TLL2: variants seen among roughly 807,000 people sequenced by gnomAD.
TLL2 encodes tolloid like 2.
TLL2 carries 106 observed loss-of-function variants against 123.0 expected under a neutral mutation model. The ratio of observed to expected loss-of-function variants is 0.86; its 90% CI spans 0.74 to 1.01. TLL2 has a LOEUF of 1.01. Ranked by LOEUF, TLL2 falls within the 50% of genes least tolerant of loss-of-function variation. The pLI is 0.00. For synonymous variants in TLL2, 494 were observed against 516.8 expected, an observed-to-expected ratio of 0.96 and a Z score of 0.60; for missense variants, 1,332 against 1,336.7, an observed-to-expected ratio of 1.00 and a Z score of 0.06.
chr10:96,408,034 G>A (rs1203935160), intron 9 of TLL2, among the ~76,000 whole-genome samples: 1 of 152,248 alleles, frequency 6.6e-6, no homozygotes, highest in African/African-American at 2.4e-5. Flanking sequence ...GATTCCCTGG[G>A]AGTGGGGGGA....
chr10:96,413,370 G>C (rs1846526182), intron 7 of TLL2, 54 bp from the exon 8 acceptor site: 1 of 1,587,300 alleles, frequency 6.3e-7, no homozygotes, highest in African/African-American at 1.3e-5. Flanking sequence ...CAGGCTGTCT[G>C]TGCTGGGATT....
intron 16 of TLL2, among the ~76,000 whole-genome samples, chr10:96,382,341 A>T (rs1159315952): frequency 1.3e-5 from 2 of 152,220 alleles, no homozygotes; most frequent in African/African-American, 4.8e-5. Context: ...GAATTTCAAG[A>T]TGATGACAAC....
At chr10:96,459,732 A>G (rs868406867) in intron 2 of TLL2, among the ~76,000 whole-genome samples, 118 of 123,068 alleles carry the variant, frequency 9.6e-4, no homozygotes, top group African/African-American at 3.3e-3. Context: ...ATATATATAT[A>G]GCAGCTAAAA....
intron 13 of TLL2, among the ~76,000 whole-genome samples, chr10:96,387,756 A>G (rs1264566956): frequency 6.6e-6 from 1 of 152,178 alleles, no homozygotes; most frequent in Non-Finnish European, 1.5e-5. Flanking sequence ...GGGGCGACTA[A>G]ATAACAGCAC....
chr10:96,415,743 C>CTCTCTCTCTGTCTCTCTCTCTG (rs1846552273), intron 7 of TLL2, among the ~76,000 whole-genome samples: 1 of 85,882 alleles, frequency 1.2e-5, no homozygotes, highest in African/African-American at 5.1e-5. Context: ...CTCTCTGTCT[C>CTCTCTCTCTGTCTCTCTCTCTG]TCTCTCTCTC....
chr10:96,443,722 T>C (rs926446578), intron 3 of TLL2, among the ~76,000 whole-genome samples: 10 of 152,236 alleles, frequency 6.6e-5, no homozygotes, highest in Non-Finnish European at 1.0e-4. Context: ...GCTGGATTCA[T>C]TCACACATGC....
intron 1 of TLL2, among the ~76,000 whole-genome samples, chr10:96,487,667 G>A (rs1483037387): frequency 1.3e-5 from 2 of 152,076 alleles, no homozygotes; most frequent in East Asian, 1.9e-4. Flanking sequence ...TTGCATCAAC[G>A]CATATTGGTC....
intron 9 of TLL2, among the ~76,000 whole-genome samples, chr10:96,406,875 C>T (rs1177796790): frequency 6.6e-6 from 1 of 152,126 alleles, no homozygotes; most frequent in Non-Finnish European, 1.5e-5. Context: ...TGTTGATCCC[C>T]CATATCTGTT....
chr10:96,473,460 A>G (rs1364324246), intron 2 of TLL2, among the ~76,000 whole-genome samples: 3 of 152,186 alleles, frequency 2.0e-5, no homozygotes, highest in Non-Finnish European at 2.9e-5. Flanking sequence ...ATGAAAAAAG[A>G]AAGCGTCCCC....
intron 2 of TLL2, among the ~76,000 whole-genome samples, chr10:96,447,278 CTG>C (rs1846905033): frequency 1.3e-5 from 2 of 152,238 alleles, no homozygotes; most frequent in South Asian, 4.1e-4. Context: ...GCCAACCAGG[CTG>C]TGTTTTGTGA....
At chr10:96,498,475 A>T (rs761757827) in intron 1 of TLL2, among the ~76,000 whole-genome samples, 1 of 151,790 alleles carries the variant, frequency 6.6e-6, no homozygotes, top group Non-Finnish European at 1.5e-5. Flanking sequence ...CATTTTGACT[A>T]CATTTTCCTC....
intron 2 of TLL2, among the ~76,000 whole-genome samples, chr10:96,466,779 T>C (rs1210180714): frequency 1.3e-5 from 2 of 152,132 alleles, no homozygotes; most frequent in Admixed American, 6.5e-5. Flanking sequence ...AACCCAGACG[T>C]TGTGGTTATC....
rs1846007358 is a variant in TLL2, at chr10:96,364,682, A to C, written c.*3406T>G. 1 of 152,674 alleles carries C rather than the reference A, an allele frequency of 6.5e-6. No individual in the cohort carries two copies. Among genetic ancestry groups the C allele is most frequent in the Non-Finnish European group, 1.5e-5 (1 of 68,048 alleles). The allele number at this position is 152,674 out of a possible 1,614,324, so 9.5% of individuals were successfully genotyped here. ...TTAGGTCCTCTCCACTTTCTCTTTG[A>C]AACTGACATCATTTCATGAAATGTA... On this transcript the variant is annotated 3_prime_UTR_variant, in exon 21 of 21. Coordinates refer to ENST00000357947, the MANE Select transcript of TLL2 (RefSeq NM_012465.4).
At position 96,404,004 on chromosome 10, in the gene TLL2, C is replaced by T. The variant is rs557604961; in HGVS notation, c.1267+1228G>A. 3.3e-3 allele frequency among the ~76,000 whole-genome samples: 506 copies of T among 152,108 alleles called. 7 individuals carry two copies. The East Asian group carries it at 0.04, about 12-fold the overall frequency. On this transcript the variant is annotated intron_variant, in intron 10 of 20. Transcript: ENST00000357947. The stretch of plus-strand genomic sequence containing the variant: ...ATTATGACATAGATTCTTTTGCTCA[C>T]ATGTTTGTTGCTGACCTTCTCCTTA...
At chr10:96,377,282 T>C (rs1174813131) in intron 17 of TLL2, among the ~76,000 whole-genome samples, 1 of 152,244 alleles carries the variant, frequency 6.6e-6, no homozygotes. Flanking sequence ...CCATGGTAAG[T>C]GCTCAGTGCA....
chr10:96,399,536 T>C (rs1846373636), intron 10 of TLL2, among the ~76,000 whole-genome samples: 1 of 152,304 alleles, frequency 6.6e-6, no homozygotes, highest in East Asian at 1.9e-4. Flanking sequence ...GAGATTAATA[T>C]TAAGTGAGAT....
intron 2 of TLL2, among the ~76,000 whole-genome samples, chr10:96,474,143 C>G (rs965285747): frequency 2.6e-5 from 4 of 152,186 alleles, no homozygotes; most frequent in African/African-American, 9.7e-5. Flanking sequence ...GACTCCCATT[C>G]TTCTCACTGC....
rs1264455985 is a variant in TLL2, at chr10:96,420,973, G to C, written c.906C>G (p.Ala302=). The C allele has an allele frequency of 1.9e-6, 3 of 1,613,894 alleles. No homozygotes were observed. Among genetic ancestry groups the C allele is most frequent in the African/African-American group, 2.7e-5 (2 of 74,870 alleles). ...TYDFDSIMHY[A]RNTFSRGVFL... is the part of the protein sequence containing the mutation. Reference sequence around the variant, plus strand: ...ATTCCGACCTTGAGAAGGTGTTCCGGGCGTAGTGCATGATGCTGTCAAAGT... The same window carrying C: ...ATTCCGACCTTGAGAAGGTGTTCCGCGCGTAGTGCATGATGCTGTCAAAGT... The change falls in exon 7 of 21, where the codon GCC becomes GCG. Residue 302 remains alanine (A), a synonymous_variant. Coordinates refer to ENST00000357947, the MANE Select transcript of TLL2 (RefSeq NM_012465.4).
chr10:96,489,658 T>C (rs974921669), intron 1 of TLL2, among the ~76,000 whole-genome samples: 1 of 152,242 alleles, frequency 6.6e-6, no homozygotes, highest in Non-Finnish European at 1.5e-5. Context: ...TTACATTTTA[T>C]TTCCTTTTAA....
Sources: allele counts gnomAD v4.1 joint callset (sites outside exome capture counted in the v4.1 genomes callset), GRCh38; gene constraint gnomAD v4.1.1; transcripts MANE v1.5; gene names NCBI Gene and HGNC (gene_info 2026-07-23, HGNC 2026-07-21).